Variants in CREBBP observed in about 807,000 individuals in gnomAD.
The protein encoded by CREBBP is CREB-binding protein.
A neutral mutation model predicts 265.0 loss-of-function variants in CREBBP; 19 were observed. That is an observed-to-expected ratio of 0.07 (90% confidence interval 0.05 to 0.11). The LOEUF (loss-of-function observed/expected upper bound fraction) is 0.11, where lower values mean the gene tolerates loss of function less well. Ranked by LOEUF, CREBBP falls within the 10% of genes least tolerant of loss-of-function variation. The pLI is 1.00. For missense variants in CREBBP, 2,525 were observed against 3,219.0 expected (o/e 0.78, Z 5.22); for synonymous variants, 1,457 against 1,223.7 (o/e 1.19, Z -3.98).
At chr16:3,732,821 C>G (rs2051952579) in intron 28 of CREBBP, among the ~76,000 whole-genome samples, 1 of 152,040 alleles carries the variant, frequency 6.6e-6, no homozygotes, top group Non-Finnish European at 1.5e-5. Flanking sequence ...CTGCCTGAAC[C>G]TCCCTAGTAG....
intron 14 of CREBBP, among the ~76,000 whole-genome samples, chr16:3,770,054 G>A (rs1404199408): frequency 6.6e-6 from 1 of 152,108 alleles, no homozygotes; most frequent in Non-Finnish European, 1.5e-5. Context: ...TATTTTTGTA[G>A]AGACAAGGTT....
rs1378388198 is a variant in CREBBP, at chr16:3,731,498, C to T, written c.4891-25G>A. 2.6e-6 allele frequency: 4 copies of T among 1,564,514 alleles called. No individual in the cohort carries two copies. Among genetic ancestry groups the T allele is most frequent in the Non-Finnish European group, 3.5e-6 (4 of 1,157,874 alleles). Reference sequence around the variant, plus strand: ...CCTGCAGGAGAGGAGGGGCTTTAGTCCCACACAAGGGACATGGCACCTCCA... The same window carrying T: ...CCTGCAGGAGAGGAGGGGCTTTAGTTCCACACAAGGGACATGGCACCTCCA... On this transcript the variant is annotated intron_variant, in intron 29 of 30. Transcript: ENST00000262367. This position sits in a 1 kb window ranked among gnomAD's most constrained non-coding sequence, Gnocchi z 7.7.
chr16:3,756,983 A>C (rs1169497542), intron 19 of CREBBP, among the ~76,000 whole-genome samples: 2 of 152,182 alleles, frequency 1.3e-5, no homozygotes, highest in African/African-American at 4.8e-5. Flanking sequence ...ACTAACTAAG[A>C]GGCCATGGGC....
chr16:3,842,369 A>T (rs1409173220), intron 2 of CREBBP, among the ~76,000 whole-genome samples: 1 of 152,098 alleles, frequency 6.6e-6, no homozygotes, highest in Non-Finnish European at 1.5e-5. Flanking sequence ...CAGGAAAGAG[A>T]GTGTCTGTAC....
chr16:3,877,248 T>C lies in CREBBP; in HGVS notation c.85+2584A>G, dbSNP rs114300012. ...AATAAGATTGAGTTCCTCAAGAATG[T>C]TATTCTCAGGTCTGTCCCACCTAAC... is the stretch of plus-strand genomic sequence containing the variant. On this transcript the variant is annotated intron_variant, in intron 1 of 30. Coordinates refer to ENST00000262367, the MANE Select transcript of CREBBP (RefSeq NM_004380.3). Among the ~76,000 whole-genome samples the C allele has an allele frequency of 1.4e-3, 210 of 152,350 alleles. 1 individual carries two copies. The highest frequency in any genetic ancestry group is 4.9e-3 in the African/African-American group (203 of 41,582).
rs2141252932 is a variant in CREBBP, at chr16:3,782,884, C to G, written c.1373G>C (p.Gly458Ala). Residue 458 changes from glycine (G) to alanine (A), a missense_variant, in exon 6 of 31, where the codon GGT becomes GCT. Coordinates refer to ENST00000262367, the MANE Select transcript of CREBBP (RefSeq NM_004380.3). Reference sequence around the variant, plus strand: ...ATTCTGTTGCCCTGTGCCAACAGAACCAATTGTGTTTTGAATTCCACTAGC... The same window carrying G: ...ATTCTGTTGCCCTGTGCCAACAGAAGCAATTGTGTTTTGAATTCCACTAGC... Reference protein sequence around the residue: ...SPASGIQNTIGSVGTGQQNAT... With the variant: ...SPASGIQNTIASVGTGQQNAT... The G allele has an allele frequency of 6.2e-7, 1 of 1,614,082 alleles. No homozygotes were observed. The highest frequency in any genetic ancestry group is 8.5e-7 in the Non-Finnish European group (1 of 1,180,012).
At position 3,729,611 on chromosome 16, in the gene CREBBP, G is replaced by C. The variant is rs61731405; in HGVS notation, c.5436C>G (p.Thr1812=). The change falls in exon 31 of 31, where the codon ACC becomes ACG. Residue 1812 remains threonine (T), a synonymous_variant. Transcript: ENST00000262367. ...GCTTGCACACCGGGCAGCCCCCGTT[G>C]GTCTTGCGTTTGCAGCCCTTGGTGT... The part of the protein sequence containing the change: ...VQHTKGCKRK[T]NGGCPVCKQL... 4,743 of 1,614,178 alleles carry C rather than the reference G, an allele frequency of 2.9e-3. 13 individuals carry two copies. Among genetic ancestry groups the C allele is most frequent in the Admixed American group, 4.9e-3 (292 of 60,034 alleles).
In CREBBP at chr16:3,767,337, T is replaced by C. The variant is rs1430795268; in HGVS notation, c.3250+383A>G. On this transcript the variant is annotated intron_variant, in intron 16 of 30. Coordinates refer to ENST00000262367, the MANE Select transcript of CREBBP (RefSeq NM_004380.3). ...CATAATGACCATCTTCCTTAAATTA[T>C]GGCTTTTTTGGTTATTCTCCTACTC... 12 of 243,956 alleles carry C rather than the reference T, an allele frequency of 4.9e-5. No homozygotes were observed. The South Asian group carries it at 6.7e-4, about 14-fold the overall frequency. 15.1% of individuals were successfully genotyped at this position (243,956 alleles called of 1,614,324 possible).
chr16:3,828,338 C>T (rs1335058942), intron 2 of CREBBP, among the ~76,000 whole-genome samples: 3 of 152,102 alleles, frequency 2.0e-5, no homozygotes, highest in East Asian at 3.9e-4. Context: ...GTGATCCACC[C>T]GCCTCGGCCT....
chr16:3,738,779 T>C, intron 25 of CREBBP, 107 bp from the exon 26 acceptor site: 1 of 775,264 alleles, frequency 1.3e-6, no homozygotes, highest in Non-Finnish European at 2.2e-6. Context: ...AGGGTCTTGC[T>C]CTGTCATTCA....
intron 7 of CREBBP, 56 bp from the exon 8 acceptor site, chr16:3,780,934 T>C: frequency 6.2e-7 from 1 of 1,602,134 alleles, no homozygotes; most frequent in South Asian, 1.1e-5. Context: ...AAACACACTT[T>C]GTCTAGTAAG....
intron 16 of CREBBP, chr16:3,767,186 T>C (rs2052875513): frequency 6.2e-6 from 1 of 160,886 alleles, no homozygotes; most frequent in Non-Finnish European, 1.4e-5. Flanking sequence ...CAAAGATGCC[T>C]AACCTACCCC....
intron 2 of CREBBP, among the ~76,000 whole-genome samples, chr16:3,839,236 A>T (rs879683039): frequency 5.3e-5 from 8 of 152,370 alleles, no homozygotes; most frequent in South Asian, 2.1e-4. Flanking sequence ...AGCCCACGCC[A>T]GGCTTGAAAG....
chr16:3,777,883 C>A, intron 10 of CREBBP, 128 bp downstream of exon 10: 3 of 1,235,464 alleles, frequency 2.4e-6, no homozygotes, highest in Non-Finnish European at 3.6e-6. Flanking sequence ...AGGGCCACTG[C>A]CACATCAACA....
At chr16:3,770,160 G>A (rs545205048) in intron 14 of CREBBP, among the ~76,000 whole-genome samples, 11 of 152,088 alleles carry the variant, frequency 7.2e-5, no homozygotes, top group African/African-American at 1.4e-4. Flanking sequence ...GTGAACCACC[G>A]CGCCCAGCCT....
At position 3,728,899 on chromosome 16, in the gene CREBBP, C is replaced by T. The variant is rs528177486; in HGVS notation, c.6148G>A (p.Gly2050Arg). Residue 2050 changes from glycine (G) to arginine (R), a missense_variant, in exon 31 of 31, where the codon GGG becomes AGG. Physicochemically the swap from Gly to Arg is moderately radical, Grantham distance 125. Coordinates refer to ENST00000262367, the MANE Select transcript of CREBBP (RefSeq NM_004380.3). This position sits in a 1 kb window ranked among gnomAD's most constrained non-coding sequence, Gnocchi z 8.7. Reference protein sequence around the residue: ...ISMQAQAAVAGPRMPSVQPPR... With the variant: ...ISMQAQAAVARPRMPSVQPPR... ...GGCTGCACGCTGGGCATCCGGGGCC[C>T]AGCCACGGCCGCCTGGGCCTGCATG... 1.2e-6 allele frequency: 2 copies of T among 1,608,798 alleles called. No individual in the cohort carries two copies. The highest frequency in any genetic ancestry group is 1.7e-5 in the Admixed American group (1 of 59,856).
intron 2 of CREBBP, among the ~76,000 whole-genome samples, chr16:3,837,165 T>C (rs936891519): frequency 5.9e-5 from 9 of 152,132 alleles, no homozygotes; most frequent in Non-Finnish European, 1.3e-4. Flanking sequence ...CTCCCATACA[T>C]GTTACTGCTT....
intron 2 of CREBBP, among the ~76,000 whole-genome samples, chr16:3,833,933 CAAT>C (rs781058327): frequency 2.2e-4 from 33 of 152,262 alleles, no homozygotes; most frequent in East Asian, 3.9e-4. Flanking sequence ...CAAAACTCAA[CAAT>C]AACAACCTGT....
At position 3,850,477 on chromosome 16, in the gene CREBBP, C is replaced by A. The variant is rs751351481; in HGVS notation, c.618G>T (p.Ala206=). The change falls in exon 2 of 31, where the codon GCG becomes GCT. Residue 206 remains alanine, a synonymous_variant. Coordinates refer to ENST00000262367, the MANE Select transcript of CREBBP (RefSeq NM_004380.3). ...SLINQASQGQ[A]QVMNGSLGAA... is the part of the protein sequence containing the mutation. ...CCCCAAGAGATCCATTCATGACTTG[C>A]GCCTGCCCTTGTGAAGCCTGATTAA... 3 of 1,614,250 alleles carry A rather than the reference C, an allele frequency of 1.9e-6. No individual in the cohort carries two copies. Among genetic ancestry groups the A allele is most frequent in the South Asian group, 2.2e-5 (2 of 91,090 alleles).
Sources: gnomAD v4.1 joint callset for allele counts (sites outside exome capture counted in the v4.1 genomes callset) on GRCh38, gnomAD v4.1.1 for gene constraint, Gnocchi (gnomAD v3.1) non-coding constraint, MANE v1.5 for transcripts, NCBI Gene and HGNC (gene_info 2026-07-23, HGNC 2026-07-21) for gene names.